Variants in BAALC observed in about 807,000 individuals in gnomAD.
BAALC encodes the protein BAALC binder of MAP3K1 and KLF4.
In BAALC, 9 loss-of-function variants were observed where a neutral mutation model predicts 15.5. The observed-to-expected ratio is 0.58, with a 90% confidence interval of 0.35 to 1.02. The LOEUF (loss-of-function observed/expected upper bound fraction) is 1.02. Among genes scored for constraint, BAALC ranks in the 50% least tolerant of loss-of-function variants. The pLI is 0.02. For missense variants in BAALC, 201 were observed against 192.4 expected, an observed-to-expected ratio of 1.04 and a Z score of -0.27; for synonymous variants, 80 against 74.6, an observed-to-expected ratio of 1.07 and a Z score of -0.37.
Position 103,207,781 on chromosome 8 carries a change from C to T in BAALC, c.161-5138C>T, listed in dbSNP as rs529305009. Among the ~76,000 whole-genome samples the T allele has an allele frequency of 2.6e-5, 4 of 152,266 alleles. No individual in the cohort carries two copies. In the South Asian group the frequency reaches 6.2e-4, roughly 24 times the overall value. On this transcript the variant is annotated intron_variant, in intron 1 of 2. Transcript: ENST00000309982. ...TTCTGGTCTCCTACACAGGACATAT[C>T]GCTGGGTGAGGAGGTAAAAAAATTA...
intron 1 of BAALC, among the ~76,000 whole-genome samples, chr8:103,178,633 C>A (rs532333883): frequency 6.6e-6 from 1 of 151,988 alleles, no homozygotes; most frequent in Non-Finnish European, 1.5e-5. Flanking sequence ...CTGAGGTGGG[C>A]GGATCACAAG....
chr8:103,212,764 A>G (rs1477345313), intron 1 of BAALC, among the ~76,000 whole-genome samples, 155 bp from the exon 2 acceptor site: 1 of 152,222 alleles, frequency 6.6e-6, no homozygotes, highest in Admixed American at 6.5e-5. Context: ...TAAAAAGCAT[A>G]TATGTTCTTA....
Position 103,140,831 on chromosome 8 carries a change from T to TCCGGGGCTGAGCCG in BAALC, c.-63_-50dup. ...CCTCCTTGCGGGCCGGGGCTGCGCC[T>TCCGGGGCTGAGCCG]CCGGGGCTGAGCCGCCGCCAGAGCC... On this transcript the variant is annotated 5_prime_UTR_variant, in exon 1 of 3. Transcript: ENST00000309982. This position sits in a 1 kb window ranked among gnomAD's most constrained non-coding sequence, Gnocchi z 4.2. 1 of 1,342,988 alleles carries TCCGGGGCTGAGCCG rather than the reference T, an allele frequency of 7.4e-7. No homozygotes were observed. The highest frequency in any genetic ancestry group is 9.6e-7 in the Non-Finnish European group (1 of 1,044,382). The allele number at this position is 1,342,988 out of a possible 1,614,324, so 83.2% of individuals were successfully genotyped here.
chr8:103,201,578 C>T (rs750327413), intron 1 of BAALC, among the ~76,000 whole-genome samples: 2 of 152,188 alleles, frequency 1.3e-5, no homozygotes, highest in African/African-American at 2.4e-5. Context: ...AGGTTAATGC[C>T]CATTCAAATT....
Position 103,228,034 on chromosome 8 carries a change from A to C in BAALC, c.373A>C (p.Asn125His), listed in dbSNP as rs1812844443. 6.2e-7 allele frequency: 1 copy of C among 1,613,902 alleles called. No homozygotes were observed. Among genetic ancestry groups the C allele is most frequent in the African/African-American group, 1.3e-5 (1 of 75,032 alleles). ...KRMPAKEVTI[N>H]VTDSIQQMDR... ...AATGCCTGCAAAAGAAGTCACCATT[A>C]ATGTAACAGATAGCATCCAACAGAT... The change falls in exon 3 of 3, where the codon AAT becomes CAT. Residue 125 changes from asparagine (N) to histidine (H), a missense_variant. By Grantham distance (68) the Asn-to-His change is moderately conservative. Coordinates refer to ENST00000309982, the MANE Select transcript of BAALC (RefSeq NM_024812.3).
intron 1 of BAALC, among the ~76,000 whole-genome samples, chr8:103,155,430 C>A (rs1315530495): frequency 1.3e-5 from 2 of 152,172 alleles, no homozygotes; most frequent in Non-Finnish European, 2.9e-5. Context: ...TCAGCTGATG[C>A]CCTGGGGAGC....
intron 2 of BAALC, among the ~76,000 whole-genome samples, chr8:103,224,710 G>T (rs977271539): frequency 6.6e-6 from 1 of 152,098 alleles, no homozygotes; most frequent in Non-Finnish European, 1.5e-5. Context: ...AGGGGAAAGG[G>T]GATTCTCTAT....
intron 2 of BAALC, among the ~76,000 whole-genome samples, chr8:103,214,461 G>C (rs961760055): frequency 2.2e-4 from 34 of 152,312 alleles, no homozygotes; most frequent in African/African-American, 8.2e-4. Context: ...AATCAGGTTA[G>C]TCCCCAGTTC....
At chr8:103,189,667 G>C (rs769235838) in intron 1 of BAALC, among the ~76,000 whole-genome samples, 1 of 152,202 alleles carries the variant, frequency 6.6e-6, no homozygotes, top group Non-Finnish European at 1.5e-5. Context: ...AGCATTCCAG[G>C]TGGGGGATCA....
chr8:103,144,331 G>C (rs1810839414), intron 1 of BAALC, among the ~76,000 whole-genome samples: 1 of 152,196 alleles, frequency 6.6e-6, no homozygotes, highest in African/African-American at 2.4e-5. Context: ...CAATGGAATT[G>C]AATTAATTTT....
In BAALC at chr8:103,140,882, C is replaced by T. The variant is rs1016944563; in HGVS notation, c.-16C>T. 4 of 1,490,174 alleles carry T rather than the reference C, an allele frequency of 2.7e-6. No homozygotes were observed. The highest frequency in any genetic ancestry group is 2.5e-5 in the South Asian group (2 of 78,506). The allele number at this position is 1,490,174 out of a possible 1,614,324, so 92.3% of individuals were successfully genotyped here. A position where few individuals can be genotyped will look rare whatever the true frequency, so the allele number is the denominator to read the frequency against. On this transcript the variant is annotated 5_prime_UTR_variant, in exon 1 of 3. Transcript: ENST00000309982. This position sits in a 1 kb window ranked among gnomAD's most constrained non-coding sequence, Gnocchi z 4.2. Reference sequence around the variant, plus strand: ...GACAGCCGAGCAGCCGCTGGGCGCTCCCGCGGCGCAGGAGGATGGGCTGCG... The same window carrying T: ...GACAGCCGAGCAGCCGCTGGGCGCTTCCGCGGCGCAGGAGGATGGGCTGCG...
chr8:103,181,417 T>A (rs193053037), intron 1 of BAALC, among the ~76,000 whole-genome samples: 1 of 152,014 alleles, frequency 6.6e-6, no homozygotes, highest in East Asian at 1.9e-4. Context: ...GACTACAGTC[T>A]CCCACCACCA....
At chr8:103,165,241 C>G (rs954479035) in intron 1 of BAALC, among the ~76,000 whole-genome samples, 3 of 152,252 alleles carry the variant, frequency 2.0e-5, no homozygotes, top group South Asian at 4.1e-4. Context: ...TGATTTCTAC[C>G]AGCGTTCTGA....
Position 103,212,951 on chromosome 8 carries a change from G to A in BAALC, c.193G>A (p.Val65Met). The A allele has an allele frequency of 6.2e-7, 1 of 1,613,984 alleles. No homozygotes were observed. Among genetic ancestry groups the A allele is most frequent in the Non-Finnish European group, 8.5e-7 (1 of 1,179,904 alleles). Reference protein sequence around the residue: ...MLEDGLPSNGVPRSTAPGGIP... With the variant: ...MLEDGLPSNGMPRSTAPGGIP... ...GGAAGATGGACTGCCCTCCAATGGT[G>A]TGCCCCGATCTACAGCCCCAGGTGG... The change falls in exon 2 of 3, where the codon GTG becomes ATG. Residue 65 changes from valine to methionine, a missense_variant. Val to Met is a conservative substitution (Grantham distance 21, BLOSUM62 1). Transcript: ENST00000309982.
chr8:103,146,604 T>G (rs1395841411), intron 1 of BAALC, among the ~76,000 whole-genome samples: 1 of 152,240 alleles, frequency 6.6e-6, no homozygotes, highest in Non-Finnish European at 1.5e-5. Flanking sequence ...CATAAATGAA[T>G]AAATCTAAAA....
At chr8:103,162,721 G>C (rs1811254479) in intron 1 of BAALC, among the ~76,000 whole-genome samples, 1 of 150,560 alleles carries the variant, frequency 6.6e-6, no homozygotes. Context: ...CTTCTTAATG[G>C]AGGAATGGCA....
intron 1 of BAALC, among the ~76,000 whole-genome samples, chr8:103,179,244 C>T (rs1811674773): frequency 6.6e-6 from 1 of 152,136 alleles, no homozygotes; most frequent in African/African-American, 2.4e-5. Flanking sequence ...GGGGTGCTGT[C>T]GTGGGCACTG....
At chr8:103,153,805 C>T (rs181703181) in intron 1 of BAALC, among the ~76,000 whole-genome samples, 209 of 152,286 alleles carry the variant, frequency 1.4e-3, no homozygotes, top group African/African-American at 4.7e-3. Flanking sequence ...AAAAACCCAA[C>T]CTGCTGCTGT....
intron 1 of BAALC, among the ~76,000 whole-genome samples, chr8:103,200,471 G>A (rs1812189481): frequency 6.6e-6 from 1 of 152,152 alleles, no homozygotes; most frequent in Admixed American, 6.5e-5. Context: ...GTCAGAAAAT[G>A]TCAAGGAGTA....
Sources: gnomAD v4.1 joint callset for allele counts (sites outside exome capture counted in the v4.1 genomes callset) on GRCh38, gnomAD v4.1.1 for gene constraint, Gnocchi (gnomAD v3.1) non-coding constraint, MANE v1.5 for transcripts, NCBI Gene and HGNC (gene_info 2026-07-23, HGNC 2026-07-21) for gene names.